Variants in ABLIM3 observed in about 807,000 individuals in gnomAD.
ABLIM3 encodes the protein actin binding LIM protein family member 3.
In ABLIM3, 61 loss-of-function variants were observed where a neutral mutation model predicts 109.5. The ratio of observed to expected loss-of-function variants is 0.56; its 90% CI spans 0.45 to 0.69. The LOEUF (loss-of-function observed/expected upper bound fraction) is 0.69. ABLIM3 is among the 30% of genes least tolerant of loss of function. The probability of loss-of-function intolerance (pLI) is 0.00; values close to 1 mark genes in which losing one functional copy is unlikely to be tolerated. For synonymous variants in ABLIM3, 300 were observed against 324.8 expected (o/e 0.92, Z 0.82); for missense variants, 796 against 889.5 (o/e 0.89, Z 1.34).
chr5:149,259,548 A>T lies in ABLIM3; in HGVS notation c.*1144A>T. ...GCAAAGTTGGCCATGTTTCACAGGG[A>T]AACTTTTGGAAGAGTGGCTGCTTAT... On this transcript the variant is annotated 3_prime_UTR_variant, in exon 24 of 24. Transcript: ENST00000309868. 1 of 1,536,304 alleles carries T rather than the reference A, an allele frequency of 6.5e-7. No homozygotes were observed. The highest frequency in any genetic ancestry group is 1.2e-5 in the South Asian group (1 of 84,064).
At position 149,210,818 on chromosome 5, in the gene ABLIM3, A is replaced by G. The variant is rs1477308977; in HGVS notation, c.668A>G (p.Glu223Gly). 1 of 1,613,938 alleles carries G rather than the reference A, an allele frequency of 6.2e-7. No individual in the cohort carries two copies. The highest frequency in any genetic ancestry group is 8.5e-7 in the Non-Finnish European group (1 of 1,179,826). The change falls in exon 7 of 24, where the codon GAG becomes GGG. Residue 223 changes from glutamate to glycine, a missense_variant and splice_region_variant. By Grantham distance (98) the Glu-to-Gly change is moderately conservative. Coordinates refer to ENST00000309868, the MANE Select transcript of ABLIM3 (RefSeq NM_014945.5). ...CDRYISGRVL[E>G]AGGKHYHPTC... ...CGATACATCAGTGGCAGAGTCTTGGAGGTGAGTGGGTATAAGTAACCGTGA... is the reference window on the plus strand; with the variant it reads ...CGATACATCAGTGGCAGAGTCTTGGGGGTGAGTGGGTATAAGTAACCGTGA...
intron 3 of ABLIM3, among the ~76,000 whole-genome samples, chr5:149,188,148 C>T (rs966504852): frequency 6.6e-6 from 1 of 152,150 alleles, no homozygotes; most frequent in East Asian, 1.9e-4. Flanking sequence ...TTTGACATTG[C>T]ATTTCAGGTT....
At position 149,187,884 on chromosome 5, in the gene ABLIM3, T is replaced by C. The variant is rs1353966008; in HGVS notation, c.151+4295T>C. ...GCCTGTGCGGTCTAACCCTAGCCAA[T>C]AGGGAAACGACACAGCAGCAGGGGC... On this transcript the variant is annotated intron_variant, in intron 3 of 23. Coordinates refer to ENST00000309868, the MANE Select transcript of ABLIM3 (RefSeq NM_014945.5). Among the ~76,000 whole-genome samples the C allele has an allele frequency of 2.6e-5, 4 of 152,254 alleles. No individual in the cohort carries two copies. The East Asian group carries it at 5.8e-4, about 22-fold the overall frequency.
intron 2 of ABLIM3, among the ~76,000 whole-genome samples, chr5:149,165,866 C>G (rs1254598196): frequency 6.6e-6 from 1 of 152,138 alleles, no homozygotes; most frequent in African/African-American, 2.4e-5. Flanking sequence ...GGGTGCTAGT[C>G]CTGACTATGC....
intron 22 of ABLIM3, 32 bp from the exon 23 acceptor site, chr5:149,252,725 C>A: frequency 4.4e-6 from 7 of 1,575,978 alleles, no homozygotes; most frequent in Non-Finnish European, 6.1e-6. Flanking sequence ...CCACCCTCAC[C>A]CAAGCTGGAG....
chr5:149,239,250 G>C lies in ABLIM3; in HGVS notation c.1047G>C (p.Ser349=), dbSNP rs141295193. 6.2e-7 allele frequency: 1 copy of C among 1,613,916 alleles called. No homozygotes were observed. Among genetic ancestry groups the C allele is most frequent in the South Asian group, 1.1e-5 (1 of 91,070 alleles). The change falls in exon 12 of 24, where the codon TCG becomes TCC. Residue 349 remains serine (S), a splice_region_variant and synonymous_variant. Coordinates refer to ENST00000309868, the MANE Select transcript of ABLIM3 (RefSeq NM_014945.5). The part of the protein sequence containing the change: ...EMLERCGYGE[S]LGTLSPYSQD... ...CCTTCAAACTCTTCACTTCTAAGTC[G>C]CTGGGAACATTATCTCCCTACTCCC...
At chr5:149,156,120 C>A (rs1005644846) in intron 2 of ABLIM3, among the ~76,000 whole-genome samples, 7 of 152,210 alleles carry the variant, frequency 4.6e-5, no homozygotes, top group Admixed American at 2.0e-4. Context: ...TGCAACTATG[C>A]CCATGGGTGG....
intron 8 of ABLIM3, 101 bp downstream of exon 8, chr5:149,217,147 T>A: frequency 8.6e-7 from 1 of 1,164,220 alleles, no homozygotes; most frequent in East Asian, 2.5e-5. Context: ...AGGTTCAGTG[T>A]TATCTTGGCT....
intron 8 of ABLIM3, among the ~76,000 whole-genome samples, chr5:149,225,924 C>CATAT (rs1242776430): frequency 5.2e-5 from 2 of 38,664 alleles, no homozygotes; most frequent in African/African-American, 1.2e-4. Context: ...ATCATATATA[C>CATAT]ATATATATAT....
rs114709752 is a variant in ABLIM3 at position 149,204,954 on chromosome 5, C to T, written c.449-2054C>T. ...ATAGGATTCATTTCTAGAGTATGGC[C>T]ATGAAAGGATACAGCTATGCAATAA... On this transcript the variant is annotated intron_variant, in intron 5 of 23. Transcript: ENST00000309868. Among the ~76,000 whole-genome samples, 937 of 152,252 alleles carry T rather than the reference C, an allele frequency of 6.2e-3. 7 individuals carry two copies. Among genetic ancestry groups the T allele is most frequent in the Non-Finnish European group, 9.7e-3 (661 of 68,024 alleles).
chr5:149,233,327 G>C (rs780874923), intron 10 of ABLIM3, 27 bp downstream of exon 10: 1 of 1,609,208 alleles, frequency 6.2e-7, no homozygotes, highest in East Asian at 2.2e-5. Flanking sequence ...TACCACCAAA[G>C]GGCCTTCTTT....
chr5:149,226,712 T>C (rs1761317772), intron 8 of ABLIM3, among the ~76,000 whole-genome samples: 1 of 152,160 alleles, frequency 6.6e-6, no homozygotes, highest in Non-Finnish European at 1.5e-5. Flanking sequence ...TCACTGTACT[T>C]GTAACCTCTA....
intron 10 of ABLIM3, among the ~76,000 whole-genome samples, chr5:149,237,105 G>T (rs1581207615): frequency 6.6e-6 from 1 of 152,172 alleles, no homozygotes; most frequent in African/African-American, 2.4e-5. Context: ...GCTTAGTGGT[G>T]CAAACTGTAT....
In ABLIM3 at chr5:149,259,088, C is replaced by A; in HGVS notation, c.*684C>A. 9.9e-7 allele frequency: 1 copy of A among 1,009,536 alleles called. No individual in the cohort carries two copies. Among genetic ancestry groups the A allele is most frequent in the South Asian group, 4.2e-5 (1 of 23,696 alleles). The allele number at this position is 1,009,536 out of a possible 1,614,324, so 62.5% of individuals were successfully genotyped here. A position where few individuals can be genotyped will look rare whatever the true frequency, so the allele number is the denominator to read the frequency against. ...GATTCCTGGTAGGAAAAGGAAAAGGCCCTTCCCTTCCCTCCACCACTTCCA... is the reference window on the plus strand; with the variant it reads ...GATTCCTGGTAGGAAAAGGAAAAGGACCTTCCCTTCCCTCCACCACTTCCA... On this transcript the variant is annotated 3_prime_UTR_variant, in exon 24 of 24. Coordinates refer to ENST00000309868, the MANE Select transcript of ABLIM3 (RefSeq NM_014945.5).
intron 2 of ABLIM3, among the ~76,000 whole-genome samples, chr5:149,148,617 C>T (rs1217676596): frequency 6.6e-6 from 1 of 152,170 alleles, no homozygotes; most frequent in African/African-American, 2.4e-5. Context: ...CATCCCTACT[C>T]TGTATCACAC....
At chr5:149,197,022 G>A (rs4705330) in intron 3 of ABLIM3, among the ~76,000 whole-genome samples, 101,282 of 152,096 alleles carry the variant, frequency 0.67, 33,898 homozygotes, top group African/African-American at 0.72. Context: ...AAAAGCCATC[G>A]ATGCAATTGA....
intron 8 of ABLIM3, among the ~76,000 whole-genome samples, chr5:149,230,032 A>G (rs1336850411): frequency 6.6e-6 from 1 of 152,228 alleles, no homozygotes; most frequent in Non-Finnish European, 1.5e-5. Flanking sequence ...AGACAGTCAT[A>G]AGTCTTTAAG....
chr5:149,203,414 G>A (rs1037316392), intron 5 of ABLIM3, among the ~76,000 whole-genome samples: 5 of 96,440 alleles, frequency 5.2e-5, no homozygotes, highest in African/African-American at 1.3e-4. Flanking sequence ...TGCAGTAGCA[G>A]CAGTACCACT....
At chr5:149,246,941 C>T (rs1753435706) in intron 17 of ABLIM3, among the ~76,000 whole-genome samples, 1 of 152,208 alleles carries the variant, frequency 6.6e-6, no homozygotes, top group African/African-American at 2.4e-5. Context: ...CCAGCAATTC[C>T]ACTCCTAGAT....
Sources: gnomAD v4.1 joint callset for allele counts (sites outside exome capture counted in the v4.1 genomes callset) on GRCh38, gnomAD v4.1.1 for gene constraint, MANE v1.5 for transcripts, NCBI Gene and HGNC (gene_info 2026-07-23, HGNC 2026-07-21) for gene names.